CNTNAP5: variants seen among roughly 807,000 people sequenced by gnomAD.
CNTNAP5 encodes the protein contactin associated protein family member 5, also known as contactin-associated protein-like 5.
In CNTNAP5, 72 loss-of-function variants were observed where a neutral mutation model predicts 150.2. The ratio of observed to expected loss-of-function variants is 0.48; its 90% confidence interval spans 0.40 to 0.58. The LOEUF (loss-of-function observed/expected upper bound fraction) is 0.58. Ranked by LOEUF, CNTNAP5 falls within the 20% of genes least tolerant of loss-of-function variation. The probability of loss-of-function intolerance (pLI) is 0.00; values close to 1 mark genes in which losing one functional copy is unlikely to be tolerated. For missense variants in CNTNAP5, 1,636 were observed against 1,626.2 expected, an observed-to-expected ratio of 1.01 and a Z score of -0.10; for synonymous variants, 672 against 619.8, an observed-to-expected ratio of 1.08 and a Z score of -1.25.
In CNTNAP5 at chr2:124,260,760, A is replaced by G. The variant is rs72962866; in HGVS notation, c.381+18367A>G. On this transcript the variant is annotated intron_variant, in intron 3 of 23. Transcript: ENST00000682447. ...TTTTTAGCTTTAAAAGGAAACATTC[A>G]TTCATTCACAGAGTAAGAGCTGTAC... is the stretch of plus-strand genomic sequence containing the variant. Among the ~76,000 whole-genome samples the G allele has an allele frequency of 1.5e-3, 222 of 152,330 alleles. 1 individual carries two copies. The highest frequency in any genetic ancestry group is 5.0e-3 in the African/African-American group (207 of 41,578).
intron 13 of CNTNAP5, among the ~76,000 whole-genome samples, chr2:124,707,945 T>TTTA (rs1553433806): frequency 3.3e-5 from 5 of 152,152 alleles, no homozygotes; most frequent in African/African-American, 2.4e-5. Flanking sequence ...ATAAAACTTT[T>TTTA]AAAAAAAATC....
chr2:124,365,980 C>A (rs558297167), intron 3 of CNTNAP5, among the ~76,000 whole-genome samples: 16 of 152,092 alleles, frequency 1.1e-4, no homozygotes, highest in Non-Finnish European at 1.9e-4. Context: ...GGTCATGTAA[C>A]TTTTTTCTTA....
At chr2:124,316,233 G>C (rs1314287894) in intron 3 of CNTNAP5, among the ~76,000 whole-genome samples, 1 of 152,176 alleles carries the variant, frequency 6.6e-6, no homozygotes, top group African/African-American at 2.4e-5. Context: ...GAAAGGGTTA[G>C]TAGCCCTGGA....
At chr2:124,798,535 A>G (rs979825834) in intron 19 of CNTNAP5, among the ~76,000 whole-genome samples, 1 of 152,244 alleles carries the variant, frequency 6.6e-6, no homozygotes, top group African/African-American at 2.4e-5. Context: ...TCTCAAATGC[A>G]TTGACTTTAA....
chr2:124,133,985 G>T (rs562824903), intron 1 of CNTNAP5, among the ~76,000 whole-genome samples: 2 of 152,332 alleles, frequency 1.3e-5, no homozygotes, highest in South Asian at 4.1e-4. Context: ...GATGGAAGTT[G>T]AAGTGGCTAA....
chr2:124,750,549 G>C (rs1405168438), intron 14 of CNTNAP5, among the ~76,000 whole-genome samples: 2 of 152,166 alleles, frequency 1.3e-5, no homozygotes, highest in East Asian at 3.9e-4. Flanking sequence ...AGTGCCTACT[G>C]TGTGCCAGAC....
At chr2:124,577,814 A>G (rs1696322482) in intron 11 of CNTNAP5, among the ~76,000 whole-genome samples, 1 of 152,180 alleles carries the variant, frequency 6.6e-6, no homozygotes, top group South Asian at 2.1e-4. Context: ...AGAGAATATG[A>G]CAGAGGGTCA....
intron 3 of CNTNAP5, among the ~76,000 whole-genome samples, chr2:124,277,224 T>C (rs1325116238): frequency 2.0e-5 from 3 of 152,156 alleles, no homozygotes; most frequent in Non-Finnish European, 4.4e-5. Flanking sequence ...TAACCAGCAA[T>C]GCACATCGCC....
chr2:124,347,924 A>G (rs755386886), intron 3 of CNTNAP5, among the ~76,000 whole-genome samples: 4 of 151,332 alleles, frequency 2.6e-5, no homozygotes, highest in Non-Finnish European at 5.9e-5. Context: ...TCCCAGGTTC[A>G]CGCCATTCTT....
intron 3 of CNTNAP5, among the ~76,000 whole-genome samples, chr2:124,387,642 G>A (rs534306293): frequency 1.3e-5 from 2 of 152,206 alleles, no homozygotes; most frequent in Admixed American, 1.3e-4. Context: ...AAGGGTGGGG[G>A]AGATTACAAA....
At chr2:124,840,527 G>A (rs1682922789) in intron 19 of CNTNAP5, among the ~76,000 whole-genome samples, 1 of 152,092 alleles carries the variant, frequency 6.6e-6, no homozygotes, top group South Asian at 2.1e-4. Context: ...TATGCATTTA[G>A]TAAGACATGC....
rs551284916 is a variant in CNTNAP5 at position 124,913,721 on chromosome 2, CA to C, written c.3728-364del. Reference sequence around the variant, plus strand: ...TCTGAAATACTTAGTTGTGAGGTGACAAAAAAATGGGCTAATTACAAATGAT... The same window carrying C: ...TCTGAAATACTTAGTTGTGAGGTGACAAAAAATGGGCTAATTACAAATGAT... On this transcript the variant is annotated intron_variant, in intron 23 of 23. Coordinates refer to ENST00000682447, the MANE Select transcript of CNTNAP5 (RefSeq NM_001367498.1). Among the ~76,000 whole-genome samples, 448 of 151,922 alleles carry C rather than the reference CA, an allele frequency of 2.9e-3. 3 individuals carry two copies. The highest frequency in any genetic ancestry group is 9.9e-3 in the African/African-American group (409 of 41,490).
chr2:124,033,710 G>GC (rs1347906043), intron 1 of CNTNAP5, among the ~76,000 whole-genome samples: 12 of 152,252 alleles, frequency 7.9e-5, no homozygotes, highest in African/African-American at 2.4e-4. Flanking sequence ...ACCTGGGAAG[G>GC]CCCCTTGATT....
intron 19 of CNTNAP5, among the ~76,000 whole-genome samples, chr2:124,841,091 T>C (rs1008356684): frequency 1.3e-5 from 2 of 152,118 alleles, no homozygotes; most frequent in African/African-American, 4.8e-5. Context: ...GATGCATTTG[T>C]GCTGTGGGTC....
At chr2:124,744,510 T>C (rs1573588149) in intron 13 of CNTNAP5, among the ~76,000 whole-genome samples, 1 of 152,316 alleles carries the variant, frequency 6.6e-6, no homozygotes, top group East Asian at 1.9e-4. Context: ...AATTACCATG[T>C]AACGAGCAGG....
intron 13 of CNTNAP5, among the ~76,000 whole-genome samples, chr2:124,739,110 T>A (rs1280080179): frequency 6.6e-6 from 1 of 152,178 alleles, no homozygotes; most frequent in Admixed American, 6.5e-5. Context: ...TATCATTTGT[T>A]TTGAGAGGCG....
At chr2:124,889,538 TTTC>T (rs1482278077) in intron 21 of CNTNAP5, among the ~76,000 whole-genome samples, 6 of 152,108 alleles carry the variant, frequency 3.9e-5, no homozygotes, top group Non-Finnish European at 8.8e-5. Context: ...AATATAGCAT[TTTC>T]CTTGTGTTTT....
chr2:124,380,060 C>A (rs1690749182), intron 3 of CNTNAP5, among the ~76,000 whole-genome samples: 1 of 151,990 alleles, frequency 6.6e-6, no homozygotes, highest in Non-Finnish European at 1.5e-5. Flanking sequence ...ATTTGCATAT[C>A]TAAAACTATT....
chr2:124,208,657 T>C (rs1685925719), intron 1 of CNTNAP5, among the ~76,000 whole-genome samples: 1 of 152,152 alleles, frequency 6.6e-6, no homozygotes, highest in Non-Finnish European at 1.5e-5. Flanking sequence ...TGCCAGTTTA[T>C]TGTCCATTCC....
Sources: gnomAD v4.1 joint callset for allele counts (sites outside exome capture counted in the v4.1 genomes callset) on GRCh38, gnomAD v4.1.1 for gene constraint, MANE v1.5 for transcripts, NCBI Gene and HGNC (gene_info 2026-07-23, HGNC 2026-07-21) for gene names.